Variants in SPOCK3 observed in about 807,000 individuals in gnomAD.
SPOCK3 encodes testican-3.
In SPOCK3, 30 loss-of-function variants were observed where a neutral mutation model predicts 56.6. The ratio of observed to expected loss-of-function variants is 0.53; its 90% CI spans 0.40 to 0.72. The LOEUF (loss-of-function observed/expected upper bound fraction) is 0.72, where lower values mean the gene tolerates loss of function less well. SPOCK3 is among the 30% of genes least tolerant of loss of function. The probability of loss-of-function intolerance (pLI) is 0.00; values close to 1 mark genes in which losing one functional copy is unlikely to be tolerated. For synonymous variants in SPOCK3, 196 were observed against 183.3 expected, an observed-to-expected ratio of 1.07 and a Z score of -0.56; for missense variants, 527 against 530.0, an observed-to-expected ratio of 0.99 and a Z score of 0.06.
chr4:167,047,838 A>C lies in SPOCK3; in HGVS notation c.235+14654T>G, dbSNP rs139994168. 7.8e-3 allele frequency among the ~76,000 whole-genome samples: 1,188 copies of C among 152,308 alleles called. 15 individuals are homozygous for C. The highest frequency in any genetic ancestry group is 0.027 in the African/African-American group (1,118 of 41,568). ...CCAGGCCAGCAGATAACTTGAGGTCAGGAGTTTGAAACCAGCCTGGCCAAC... is the reference window on the plus strand; with the variant it reads ...CCAGGCCAGCAGATAACTTGAGGTCCGGAGTTTGAAACCAGCCTGGCCAAC... On this transcript the variant is annotated intron_variant, in intron 3 of 10. Coordinates refer to ENST00000357545, the MANE Select transcript of SPOCK3 (RefSeq NM_001040159.2).
At chr4:166,876,985 C>T (rs1480400503) in intron 6 of SPOCK3, among the ~76,000 whole-genome samples, 1 of 151,818 alleles carries the variant, frequency 6.6e-6, no homozygotes, top group South Asian at 2.1e-4. Context: ...ATTTATTTTT[C>T]AAAATAGTAA....
intron 2 of SPOCK3, among the ~76,000 whole-genome samples, chr4:167,169,524 A>G (rs923296757): frequency 1.3e-5 from 2 of 152,192 alleles, no homozygotes; most frequent in African/African-American, 4.8e-5. Flanking sequence ...TATTTATCCA[A>G]TGCCTATACC....
chr4:166,896,502 A>T (rs759518578), intron 5 of SPOCK3, among the ~76,000 whole-genome samples: 23 of 152,128 alleles, frequency 1.5e-4, no homozygotes, highest in Non-Finnish European at 2.4e-4. Context: ...CACTCATTAC[A>T]TTTGAAACAG....
chr4:167,157,178 G>A (rs1053807211), intron 2 of SPOCK3, among the ~76,000 whole-genome samples: 7 of 151,794 alleles, frequency 4.6e-5, no homozygotes, highest in African/African-American at 7.3e-5. Context: ...AGAAGAAAGC[G>A]GGAGAAAATT....
chr4:167,064,039 A>T (rs1297680807), intron 2 of SPOCK3, among the ~76,000 whole-genome samples: 1 of 151,798 alleles, frequency 6.6e-6, no homozygotes, highest in African/African-American at 2.4e-5. Context: ...CCTCTTTTTT[A>T]GTGTCTCCAC....
chr4:167,075,136 C>T (rs1215430298), intron 2 of SPOCK3, among the ~76,000 whole-genome samples: 2 of 151,582 alleles, frequency 1.3e-5, no homozygotes, highest in African/African-American at 2.4e-5. Context: ...TTTGGCAGCA[C>T]TTCTAAAGCT....
intron 3 of SPOCK3, among the ~76,000 whole-genome samples, chr4:167,049,736 T>A (rs1483202606): frequency 6.6e-6 from 1 of 152,104 alleles, no homozygotes; most frequent in Non-Finnish European, 1.5e-5. Context: ...ATTTCTAGAT[T>A]CTAAAAATTA....
chr4:167,007,914 C>T (rs994196017), intron 3 of SPOCK3, among the ~76,000 whole-genome samples: 1 of 151,942 alleles, frequency 6.6e-6, no homozygotes, highest in Non-Finnish European at 1.5e-5. Flanking sequence ...CTAAATATCA[C>T]TCTATTTCAA....
At chr4:166,883,334 T>C (rs140529248) in intron 6 of SPOCK3, 2 of 152,300 alleles carry the variant, frequency 1.3e-5, no homozygotes, top group Admixed American at 6.5e-5. Flanking sequence ...TACCTTGTCA[T>C]ACTGTAAATA....
chr4:167,234,283 G>A (rs989315081), intron 1 of SPOCK3, 110 bp from the exon 2 acceptor site: 52 of 1,098,198 alleles, frequency 4.7e-5, no homozygotes, highest in East Asian at 2.5e-5. Flanking sequence ...GAGGGTAGAG[G>A]GAGGAGGAGA....
chr4:166,913,778 G>GTCTCTCTCTCTCTCTC (rs140957483), intron 4 of SPOCK3, among the ~76,000 whole-genome samples: 6 of 149,402 alleles, frequency 4.0e-5, no homozygotes, highest in African/African-American at 1.5e-4. Flanking sequence ...ATTATTTTCT[G>GTCTCTCTCTCTCTCTC]TCTCTCTCTC....
At chr4:166,774,030 C>T (rs1475376604) in intron 7 of SPOCK3, among the ~76,000 whole-genome samples, 1 of 152,092 alleles carries the variant, frequency 6.6e-6, no homozygotes, top group Non-Finnish European at 1.5e-5. Context: ...GTTGTATTGT[C>T]CTTGTAAGGT....
chr4:166,956,950 G>A (rs1743565803), intron 4 of SPOCK3, among the ~76,000 whole-genome samples: 1 of 152,104 alleles, frequency 6.6e-6, no homozygotes, highest in Non-Finnish European at 1.5e-5. Context: ...TCTTGCAGTT[G>A]TACATGTTTA....
intron 2 of SPOCK3, among the ~76,000 whole-genome samples, chr4:167,207,686 A>T (rs910357153): frequency 6.6e-6 from 1 of 152,150 alleles, no homozygotes; most frequent in Non-Finnish European, 1.5e-5. Context: ...ATACAAATGT[A>T]AACCTATTTC....
intron 6 of SPOCK3, among the ~76,000 whole-genome samples, chr4:166,853,489 C>T (rs1730344765): frequency 6.6e-6 from 1 of 152,138 alleles, no homozygotes; most frequent in African/African-American, 2.4e-5. Context: ...CACAATAACA[C>T]CTTTTAATTT....
At chr4:167,063,702 G>A (rs970788858) in intron 2 of SPOCK3, among the ~76,000 whole-genome samples, 1 of 151,638 alleles carries the variant, frequency 6.6e-6, no homozygotes, top group African/African-American at 2.4e-5. Context: ...CAAGTATCTC[G>A]TGTATTATTT....
At chr4:167,156,125 G>A (rs1764801417) in intron 2 of SPOCK3, among the ~76,000 whole-genome samples, 1 of 152,110 alleles carries the variant, frequency 6.6e-6, no homozygotes, top group Admixed American at 6.6e-5. Context: ...GTCAATATGA[G>A]TTGAGATATT....
intron 7 of SPOCK3, among the ~76,000 whole-genome samples, chr4:166,791,332 G>T (rs184273101): frequency 6.6e-6 from 1 of 152,244 alleles, no homozygotes; most frequent in Non-Finnish European, 1.5e-5. Context: ...GCACTTTGAG[G>T]GTAGCAGGTG....
At chr4:166,869,222 A>C (rs1225019589) in intron 6 of SPOCK3, among the ~76,000 whole-genome samples, 1 of 152,092 alleles carries the variant, frequency 6.6e-6, no homozygotes, top group Non-Finnish European at 1.5e-5. Context: ...ACAAAATGTA[A>C]ATTGCTGATA....
Sources: gnomAD v4.1 joint callset for allele counts (sites outside exome capture counted in the v4.1 genomes callset) on GRCh38, gnomAD v4.1.1 for gene constraint, MANE v1.5 for transcripts, NCBI Gene and HGNC (gene_info 2026-07-23, HGNC 2026-07-21) for gene names.